The following SPOCK1 variants were observed in gnomAD, a reference collection of about 807,000 sequenced individuals.
The protein encoded by SPOCK1 is SPARC (osteonectin), cwcv and kazal like domains proteoglycan 1.
Under a neutral mutation model 55.3 loss-of-function variants are expected in SPOCK1, and 23 were observed. The observed-to-expected ratio is 0.42, with a 90% confidence interval of 0.30 to 0.59. The LOEUF (loss-of-function observed/expected upper bound fraction) is 0.59. Ranked by LOEUF, SPOCK1 falls within the 20% of genes least tolerant of loss-of-function variation. SPOCK1 has a pLI of 0.22. For synonymous variants in SPOCK1, 226 were observed against 221.0 expected (o/e 1.02, Z -0.20); for missense variants, 499 against 552.5 (o/e 0.90, Z 0.97).
Position 137,443,249 on chromosome 5 carries a change from A to G in SPOCK1, c.186+55124T>C, listed in dbSNP as rs1247734722. 2.0e-5 allele frequency among the ~76,000 whole-genome samples: 3 copies of G among 152,194 alleles called. No individual in the cohort carries two copies. The South Asian group carries it at 6.2e-4, about 32-fold the overall frequency. On this transcript the variant is annotated intron_variant, in intron 2 of 10. Coordinates refer to ENST00000394945, the MANE Select transcript of SPOCK1 (RefSeq NM_004598.4). ...AAGTGAGGGACCTGGAGTTCTCAGCATAGTATGTGAATCATAGCAGACCTC... is the reference window on the plus strand; with the variant it reads ...AAGTGAGGGACCTGGAGTTCTCAGCGTAGTATGTGAATCATAGCAGACCTC...
At chr5:137,395,977 C>G (rs1220432792) in intron 2 of SPOCK1, among the ~76,000 whole-genome samples, 1 of 152,224 alleles carries the variant, frequency 6.6e-6, no homozygotes, top group Non-Finnish European at 1.5e-5. Context: ...CCATTCGTAA[C>G]TCTGAATCTC....
At chr5:137,476,035 T>A (rs1422222049) in intron 2 of SPOCK1, among the ~76,000 whole-genome samples, 1 of 18,178 alleles carries the variant, frequency 5.5e-5, no homozygotes, top group Admixed American at 6.1e-4. Context: ...AAATTATAGG[T>A]TTTTTTTTTT....
intron 3 of SPOCK1, among the ~76,000 whole-genome samples, chr5:137,225,616 G>A (rs927149813): frequency 3.9e-5 from 6 of 152,240 alleles, no homozygotes; most frequent in Middle Eastern, 6.8e-3. Flanking sequence ...ACGATGCCTC[G>A]ACATACACAC....
At chr5:137,114,656 G>T (rs1158377227) in intron 4 of SPOCK1, among the ~76,000 whole-genome samples, 3 of 152,212 alleles carry the variant, frequency 2.0e-5, no homozygotes, top group Admixed American at 2.0e-4. Context: ...GAAAGAGGGG[G>T]CTGTCAGCAT....
At chr5:137,158,743 G>A (rs1188903597) in intron 3 of SPOCK1, among the ~76,000 whole-genome samples, 1 of 152,098 alleles carries the variant, frequency 6.6e-6, no homozygotes, top group Non-Finnish European at 1.5e-5. Flanking sequence ...AGTCTCGGGG[G>A]CACCATAACA....
At chr5:137,140,266 C>T (rs1039827619) in intron 4 of SPOCK1, among the ~76,000 whole-genome samples, 1 of 152,128 alleles carries the variant, frequency 6.6e-6, no homozygotes, top group Non-Finnish European at 1.5e-5. Flanking sequence ...TTTCCTGGGT[C>T]GTGGCATCAC....
chr5:137,254,337 C>T (rs528646553), intron 3 of SPOCK1, among the ~76,000 whole-genome samples: 1 of 152,166 alleles, frequency 6.6e-6, no homozygotes, highest in South Asian at 2.1e-4. Context: ...CAAAATGAAA[C>T]TCCTGTATGT....
intron 3 of SPOCK1, among the ~76,000 whole-genome samples, chr5:137,184,268 T>C (rs1755023597): frequency 6.6e-6 from 1 of 152,184 alleles, no homozygotes; most frequent in African/African-American, 2.4e-5. Flanking sequence ...ATGATTCTGA[T>C]AACCAGAGTC....
chr5:136,978,485 C>CA lies in SPOCK1; in HGVS notation c.*168dup, dbSNP rs899074864. The CA allele has an allele frequency of 1.6e-5, 9 of 564,186 alleles. No individual in the cohort carries two copies. The highest frequency in any genetic ancestry group is 1.4e-4 in the African/African-American group (7 of 51,754). The allele number at this position is 564,186 out of a possible 1,614,324, so 34.9% of individuals were successfully genotyped here. A position where few individuals can be genotyped will look rare whatever the true frequency, so the allele number is the denominator to read the frequency against. On this transcript the variant is annotated 3_prime_UTR_variant, in exon 11 of 11. Coordinates refer to ENST00000394945, the MANE Select transcript of SPOCK1 (RefSeq NM_004598.4). ...ACCCTTTCTCCCATACAAACATATG[C>CA]AAAATCAGAATCCTCTGGGAACAAG...
chr5:137,141,774 CAATCATAAGAT>C (rs1754104292), intron 3 of SPOCK1, among the ~76,000 whole-genome samples: 1 of 151,880 alleles, frequency 6.6e-6, no homozygotes, highest in Non-Finnish European at 1.5e-5. Flanking sequence ...CATGTTCAGG[CAATCATAAGAT>C]ACTCAATCTG....
intron 2 of SPOCK1, among the ~76,000 whole-genome samples, chr5:137,356,832 T>TAGAGAGAG (rs1264084655): frequency 3.3e-3 from 34 of 10,180 alleles, no homozygotes; most frequent in Non-Finnish European, 5.5e-3. Context: ...TATATATATA[T>TAGAGAGAG]ATATATAGAG....
intron 2 of SPOCK1, among the ~76,000 whole-genome samples, chr5:137,294,022 G>A (rs994510225): frequency 6.6e-6 from 1 of 152,168 alleles, no homozygotes; most frequent in Non-Finnish European, 1.5e-5. Context: ...TCAAAAAGTG[G>A]TGCTGGAAAT....
At chr5:137,140,732 C>T (rs1237528052) in intron 3 of SPOCK1, 38 bp from the exon 4 acceptor site, 2 of 1,192,826 alleles carry the variant, frequency 1.7e-6, no homozygotes, top group Non-Finnish European at 2.3e-6. Context: ...GGTTTAGGAC[C>T]TCCAGGGAAA....
intron 6 of SPOCK1, among the ~76,000 whole-genome samples, chr5:137,000,096 C>T (rs1260549407): frequency 6.6e-6 from 1 of 152,092 alleles, no homozygotes; most frequent in African/African-American, 2.4e-5. Flanking sequence ...TTAGTGCCTC[C>T]GAAGGTGATT....
chr5:137,334,570 T>C (rs1750198981), intron 2 of SPOCK1, among the ~76,000 whole-genome samples: 1 of 152,170 alleles, frequency 6.6e-6, no homozygotes, highest in African/African-American at 2.4e-5. Flanking sequence ...CAGACAATGT[T>C]TTTCTGGCCT....
At chr5:137,286,221 G>A (rs943128188) in intron 2 of SPOCK1, among the ~76,000 whole-genome samples, 2 of 152,144 alleles carry the variant, frequency 1.3e-5, no homozygotes, top group African/African-American at 2.4e-5. Flanking sequence ...AGGTCCATTC[G>A]TTTTTAAAGG....
At chr5:136,983,636 T>C (rs1232743633) in intron 9 of SPOCK1, among the ~76,000 whole-genome samples, 1 of 115,182 alleles carries the variant, frequency 8.7e-6, no homozygotes, top group Non-Finnish European at 2.1e-5. Context: ...AAAAAAAAAA[T>C]GGGCTGAGGC....
intron 6 of SPOCK1, among the ~76,000 whole-genome samples, chr5:137,039,988 T>C (rs561342910): frequency 1.3e-5 from 2 of 152,338 alleles, no homozygotes; most frequent in South Asian, 4.1e-4. Context: ...GGCTGGAGTC[T>C]GCCAAGGTTA....
intron 5 of SPOCK1, among the ~76,000 whole-genome samples, chr5:137,103,658 C>A (rs1049242967): frequency 5.3e-5 from 8 of 152,206 alleles, no homozygotes; most frequent in Admixed American, 3.3e-4. Context: ...CCGTTATAAG[C>A]CTCTGTTTAA....
Sources: allele counts gnomAD v4.1 joint callset (sites outside exome capture counted in the v4.1 genomes callset), GRCh38; gene constraint gnomAD v4.1.1; transcripts MANE v1.5; gene names NCBI Gene and HGNC (gene_info 2026-07-23, HGNC 2026-07-21).